Variants in MRPS9 observed in about 807,000 individuals in gnomAD.
MRPS9 encodes mitochondrial ribosomal protein S9, also known as small ribosomal subunit protein uS9m.
In MRPS9, 45 loss-of-function variants were observed where a neutral mutation model predicts 59.9. That is an observed-to-expected ratio of 0.75 (90% CI 0.59 to 0.96). The LOEUF is 0.96. MRPS9 is among the 40% of genes least tolerant of loss of function. The pLI is 0.00. For missense variants in MRPS9, 473 were observed against 481.1 expected, an observed-to-expected ratio of 0.98 and a Z score of 0.16; for synonymous variants, 171 against 166.8, an observed-to-expected ratio of 1.03 and a Z score of -0.19.
chr2:105,069,065 T>C (rs371824724), intron 2 of MRPS9, among the ~76,000 whole-genome samples: 9 of 152,124 alleles, frequency 5.9e-5, no homozygotes, highest in Non-Finnish European at 1.0e-4. Flanking sequence ...GGCAGGGTGT[T>C]TTTTTATAGC....
chr2:105,075,223 A>G lies in MRPS9; in HGVS notation c.409+3734A>G, dbSNP rs568935095. Among the ~76,000 whole-genome samples, 21 of 152,292 alleles carry G rather than the reference A, an allele frequency of 1.4e-4. No homozygotes were observed. The East Asian group carries it at 3.5e-3, about 25-fold the overall frequency. ...GTAATGTGAGCAATGGGGAATGTCT[A>G]TAAATACAGATGAAGCTATGCTGGT... On this transcript the variant is annotated intron_variant, in intron 4 of 10. Transcript: ENST00000258455.
rs1489880983 is a variant in MRPS9, at chr2:105,038,139, T to G, written c.47T>G (p.Leu16Arg). ...VSYGGAVSYR[L>R]LLWGRGSLAR... ...TACGGCGGAGCAGTTTCGTACCGGC[T>G]TCTTCTCTGGGGTAGGGGTAGCCTC... Residue 16 changes from leucine (L) to arginine (R), a missense_variant, in exon 1 of 11, where the codon CTT becomes CGT. Physicochemically the swap from Leu to Arg is moderately radical, Grantham distance 102. Transcript: ENST00000258455. The G allele has an allele frequency of 1.9e-6, 3 of 1,613,886 alleles. No homozygotes were observed. The highest frequency in any genetic ancestry group is 2.5e-6 in the Non-Finnish European group (3 of 1,179,964).
At chr2:105,062,549 T>C (rs1453155395) in intron 2 of MRPS9, among the ~76,000 whole-genome samples, 1 of 152,252 alleles carries the variant, frequency 6.6e-6, no homozygotes, top group Non-Finnish European at 1.5e-5. Flanking sequence ...GTTAATATTC[T>C]GTCTTGTAAC....
chr2:105,076,462 T>A (rs1473283439), intron 4 of MRPS9, among the ~76,000 whole-genome samples: 4 of 152,246 alleles, frequency 2.6e-5, no homozygotes, highest in Non-Finnish European at 5.9e-5. Context: ...GAATTCCAAC[T>A]ATACAAATAC....
At chr2:105,097,532 A>T in intron 10 of MRPS9, 2 of 425,072 alleles carry the variant, frequency 4.7e-6, no homozygotes, top group Non-Finnish European at 7.9e-6. Context: ...AAAAGGGGAG[A>T]ACTCCCCACA....
intron 2 of MRPS9, among the ~76,000 whole-genome samples, chr2:105,062,937 C>T (rs1325395904): frequency 6.6e-6 from 1 of 152,132 alleles, no homozygotes; most frequent in Non-Finnish European, 1.5e-5. Flanking sequence ...GCGTTACTTA[C>T]AAGAAAGATA....
intron 1 of MRPS9, among the ~76,000 whole-genome samples, chr2:105,048,492 T>TA (rs1477559730): frequency 4.6e-5 from 7 of 151,786 alleles, no homozygotes; most frequent in African/African-American, 1.2e-4. Context: ...CCCTAAAACT[T>TA]AAAGTATAAT....
intron 2 of MRPS9, among the ~76,000 whole-genome samples, chr2:105,056,932 G>A (rs572448417): frequency 5.9e-5 from 9 of 152,108 alleles, no homozygotes; most frequent in Non-Finnish European, 8.8e-5. Flanking sequence ...CATTATTAAG[G>A]CTACAGGATT....
chr2:105,058,706 C>T (rs1396957427), intron 2 of MRPS9, among the ~76,000 whole-genome samples: 2 of 140,730 alleles, frequency 1.4e-5, no homozygotes, highest in African/African-American at 5.3e-5. Context: ...GACAGAGTCT[C>T]TCTCTGTTGC....
chr2:105,080,390 C>T (rs925146374), intron 5 of MRPS9, among the ~76,000 whole-genome samples: 1 of 152,088 alleles, frequency 6.6e-6, no homozygotes, highest in Non-Finnish European at 1.5e-5. Context: ...GTGTATGATG[C>T]TGTCGGGGGC....
At chr2:105,087,706 C>T (rs910594418) in intron 5 of MRPS9, among the ~76,000 whole-genome samples, 2 of 152,130 alleles carry the variant, frequency 1.3e-5, no homozygotes, top group Non-Finnish European at 2.9e-5. Flanking sequence ...AGGAGTCCTA[C>T]CTGTTGAGTA....
At chr2:105,059,596 G>A (rs950789385) in intron 2 of MRPS9, among the ~76,000 whole-genome samples, 6 of 151,762 alleles carry the variant, frequency 4.0e-5, no homozygotes, top group African/African-American at 1.5e-4. Context: ...TTGTGGAAGG[G>A]TTGGGTATTT....
intron 1 of MRPS9, among the ~76,000 whole-genome samples, chr2:105,038,860 G>A (rs1361895487): frequency 2.0e-5 from 3 of 152,296 alleles, no homozygotes; most frequent in African/African-American, 4.8e-5. Flanking sequence ...GGGAAGAAAC[G>A]AGTTTAGTAT....
At chr2:105,088,648 A>G (rs761153555) in intron 5 of MRPS9, among the ~76,000 whole-genome samples, 3 of 152,120 alleles carry the variant, frequency 2.0e-5, no homozygotes, top group Non-Finnish European at 2.9e-5. Flanking sequence ...TTCTGAAAGA[A>G]AAGGAAAATA....
In MRPS9 at chr2:105,093,634, G is replaced by A; in HGVS notation, c.925G>A (p.Asp309Asn). ...DYQLYFPITQDREQLMFPFHF... is the reference protein window; with the variant it reads ...DYQLYFPITQNREQLMFPFHF... ...CCAGCTTTACTTCCCGATCACACAG[G>A]ACAGGTTCGTTTTGGGTTCTGATTT... is the stretch of plus-strand genomic sequence containing the variant. The change falls in exon 9 of 11, where the codon GAC (aspartate) becomes AAC (asparagine). Residue 309 changes from aspartate to asparagine, a missense_variant. Asp to Asn is a conservative substitution (Grantham distance 23, BLOSUM62 1). Transcript: ENST00000258455. The A allele has an allele frequency of 6.3e-7, 1 of 1,575,120 alleles. No individual in the cohort carries two copies. Among genetic ancestry groups the A allele is most frequent in the South Asian group, 1.2e-5 (1 of 83,952 alleles).
At chr2:105,038,290 G>A (rs1407953831) in intron 1 of MRPS9, 63 bp downstream of exon 1, 1 of 1,566,856 alleles carries the variant, frequency 6.4e-7, no homozygotes, top group African/African-American at 1.4e-5. Context: ...AGCCAGCGCG[G>A]ACACCTTCCC....
intron 5 of MRPS9, among the ~76,000 whole-genome samples, chr2:105,087,299 T>G (rs73945037): frequency 0.2 from 30,194 of 152,064 alleles, 3,129 homozygotes; most frequent in Middle Eastern, 0.35. Flanking sequence ...TGTAGGGACA[T>G]TTCCACTTAA....
At chr2:105,042,016 A>G (rs1297917712) in intron 1 of MRPS9, among the ~76,000 whole-genome samples, 3 of 152,256 alleles carry the variant, frequency 2.0e-5, no homozygotes, top group African/African-American at 7.2e-5. Context: ...TTTCTTGTAC[A>G]ATGCTTCATT....
intron 4 of MRPS9, among the ~76,000 whole-genome samples, chr2:105,072,423 T>A (rs1573435004): frequency 6.6e-6 from 1 of 152,118 alleles, no homozygotes; most frequent in Non-Finnish European, 1.5e-5. Flanking sequence ...TTTTTTTTTT[T>A]AGCAACTTGC....
Sources: allele counts gnomAD v4.1 joint callset (sites outside exome capture counted in the v4.1 genomes callset), GRCh38; gene constraint gnomAD v4.1.1; transcripts MANE v1.5; gene names NCBI Gene and HGNC (gene_info 2026-07-23, HGNC 2026-07-21).